GLRB: variants seen among roughly 807,000 people sequenced by gnomAD.
GLRB encodes glycine receptor subunit beta.
GLRB carries 33 observed loss-of-function variants against 54.2 expected under a neutral mutation model. That is an observed-to-expected ratio of 0.61 (90% CI 0.46 to 0.81). GLRB has a LOEUF of 0.81. Ranked by LOEUF, GLRB falls within the 40% of genes least tolerant of loss-of-function variation. The pLI is 0.00. For synonymous variants in GLRB, 209 were observed against 208.2 expected (o/e 1.00, Z -0.03); for missense variants, 572 against 584.6 (o/e 0.98, Z 0.22).
At chr4:157,157,460 A>G (rs773454561) in intron 9 of GLRB, among the ~76,000 whole-genome samples, 26 of 152,122 alleles carry the variant, frequency 1.7e-4, no homozygotes, top group Non-Finnish European at 1.3e-4. Context: ...CATTTACATT[A>G]GGTAGATCTC....
Position 157,120,630 on chromosome 4 carries a change from G to T in GLRB, c.197G>T (p.Ser66Ile). Reference sequence around the variant, plus strand: ...AATATCTTGAACAGGTTATTGGTCAGTTATGATCCCAGGATAAGACCAAAC... The same window carrying T: ...AATATCTTGAACAGGTTATTGGTCATTTATGATCCCAGGATAAGACCAAAC... Reference protein sequence around the residue: ...TSNILNRLLVSYDPRIRPNFK... With the variant: ...TSNILNRLLVIYDPRIRPNFK... The change falls in exon 3 of 10, where the codon AGT becomes ATT. Residue 66 changes from serine (S) to isoleucine (I), a missense_variant. Transcript: ENST00000264428. 1 of 1,593,170 alleles carries T rather than the reference G, an allele frequency of 6.3e-7. No homozygotes were observed. Among genetic ancestry groups the T allele is most frequent in the Non-Finnish European group, 8.6e-7 (1 of 1,163,502 alleles).
At chr4:157,153,907 C>T (rs867852933) in intron 9 of GLRB, among the ~76,000 whole-genome samples, 1 of 152,168 alleles carries the variant, frequency 6.6e-6, no homozygotes, top group Non-Finnish European at 1.5e-5. Context: ...ACCACTAGTC[C>T]CCTCACCTAG....
intron 1 of GLRB, among the ~76,000 whole-genome samples, chr4:157,076,723 T>C (rs1734045611): frequency 6.6e-6 from 1 of 151,740 alleles, no homozygotes; most frequent in Non-Finnish European, 1.5e-5. Flanking sequence ...CGGCCCTCCT[T>C]TTTGCGGGGG....
At chr4:157,165,038 G>C (rs1365993610) in intron 9 of GLRB, among the ~76,000 whole-genome samples, 1 of 152,064 alleles carries the variant, frequency 6.6e-6, no homozygotes, top group African/African-American at 2.4e-5. Context: ...GATGCATAGA[G>C]TTAAGAATTG....
chr4:157,109,104 A>G (rs1735327394), intron 2 of GLRB, among the ~76,000 whole-genome samples: 1 of 152,078 alleles, frequency 6.6e-6, no homozygotes, highest in Non-Finnish European at 1.5e-5. Flanking sequence ...ATGCACTGGG[A>G]AACCAAAACA....
At chr4:157,127,431 C>CT (rs1335469453) in intron 4 of GLRB, among the ~76,000 whole-genome samples, 1 of 151,708 alleles carries the variant, frequency 6.6e-6, no homozygotes, top group East Asian at 1.9e-4. Flanking sequence ...TAATGGCCCC[C>CT]TAAAGATGTT....
intron 2 of GLRB, among the ~76,000 whole-genome samples, chr4:157,107,171 C>G (rs561429635): frequency 6.6e-5 from 10 of 151,964 alleles, no homozygotes; most frequent in Non-Finnish European, 1.3e-4. Flanking sequence ...TTTTCATCTC[C>G]CTCCCTCTCC....
intron 4 of GLRB, among the ~76,000 whole-genome samples, chr4:157,134,299 A>G (rs941138791): frequency 3.9e-5 from 6 of 152,000 alleles, no homozygotes; most frequent in Non-Finnish European, 1.5e-5. Context: ...GCTCATGTCT[A>G]TAATCCTAGT....
chr4:157,117,916 G>T (rs1735664064), intron 2 of GLRB, among the ~76,000 whole-genome samples: 1 of 151,658 alleles, frequency 6.6e-6, no homozygotes, highest in Non-Finnish European at 1.5e-5. Flanking sequence ...ATATTTATTA[G>T]TTCATGTTTA....
At chr4:157,151,184 A>G (rs1737009453) in intron 8 of GLRB, among the ~76,000 whole-genome samples, 2 of 152,152 alleles carry the variant, frequency 1.3e-5, no homozygotes, top group African/African-American at 2.4e-5. Flanking sequence ...CAGAGAGGAT[A>G]GTGTCAAAAT....
intron 2 of GLRB, among the ~76,000 whole-genome samples, chr4:157,089,263 G>C (rs1257881964): frequency 1.3e-5 from 2 of 151,850 alleles, no homozygotes; most frequent in African/African-American, 2.4e-5. Flanking sequence ...CATGGGGGAG[G>C]GGGGACACAC....
At chr4:157,144,987 T>C (rs1736755170) in intron 8 of GLRB, among the ~76,000 whole-genome samples, 1 of 152,192 alleles carries the variant, frequency 6.6e-6, no homozygotes, top group Admixed American at 6.5e-5. Flanking sequence ...TATGTATTAT[T>C]ACATGTATTA....
In GLRB at chr4:157,121,527, A is replaced by C. The variant is rs934061528; in HGVS notation, c.230-803A>C. Among the ~76,000 whole-genome samples, 8 of 151,298 alleles carry C rather than the reference A, an allele frequency of 5.3e-5. 1 individual carries two copies. Among genetic ancestry groups the C allele is most frequent in the African/African-American group, 1.9e-4 (8 of 41,224 alleles). On this transcript the variant is annotated intron_variant, in intron 3 of 9. Transcript: ENST00000264428. ...GCTTCTAGTCAACTGAAGTTATACA[A>C]CTATGTTGTAAAAATGGGTTTTTGT...
chr4:157,139,792 A>G (rs952755307), intron 7 of GLRB, among the ~76,000 whole-genome samples: 1 of 152,010 alleles, frequency 6.6e-6, no homozygotes, highest in Non-Finnish European at 1.5e-5. Flanking sequence ...TCAGAAATAG[A>G]TATAATTAAA....
intron 4 of GLRB, among the ~76,000 whole-genome samples, chr4:157,135,199 C>T (rs1378234184): frequency 6.6e-6 from 1 of 152,082 alleles, no homozygotes; most frequent in African/African-American, 2.4e-5. Context: ...TACACAGCTT[C>T]ATCTGGTTAT....
At chr4:157,114,341 C>CT (rs148694325) in intron 2 of GLRB, among the ~76,000 whole-genome samples, 2,447 of 139,246 alleles carry the variant, frequency 0.018, 42 homozygotes, top group East Asian at 0.11. Flanking sequence ...CTCTCTCTTT[C>CT]TTTTTTTTTT....
At chr4:157,155,138 T>G (rs1324558540) in intron 9 of GLRB, among the ~76,000 whole-genome samples, 2 of 152,206 alleles carry the variant, frequency 1.3e-5, no homozygotes, top group Non-Finnish European at 2.9e-5. Flanking sequence ...TTTCCTTGTT[T>G]TTTGTTTTTG....
intron 2 of GLRB, among the ~76,000 whole-genome samples, chr4:157,104,406 C>A (rs1432188807): frequency 6.6e-6 from 1 of 152,024 alleles, no homozygotes; most frequent in Non-Finnish European, 1.5e-5. Context: ...GGTTATATAT[C>A]CCACTTGGTC....
rs964531745 is a variant in GLRB, at chr4:157,170,700, A to G, written c.1466A>G (p.Asn489Ser). Residue 489 changes from asparagine to serine, a missense_variant, in exon 10 of 10, where the codon AAT becomes AGT. Asn to Ser is a conservative substitution (Grantham distance 46). Transcript: ENST00000264428. ...TTTCCTTTCTGCTTCTTGTTCTTCA[A>G]TGTTATATATTGGTCTATATATTTA... Reference protein sequence around the residue: ...ALFPFCFLFFNVIYWSIYL With the variant: ...ALFPFCFLFFSVIYWSIYL The G allele has an allele frequency of 3.8e-6, 6 of 1,578,520 alleles. No homozygotes were observed. Among genetic ancestry groups the G allele is most frequent in the Non-Finnish European group, 5.2e-6 (6 of 1,155,470 alleles).
Sources: gnomAD v4.1 joint callset for allele counts (sites outside exome capture counted in the v4.1 genomes callset) on GRCh38, gnomAD v4.1.1 for gene constraint, MANE v1.5 for transcripts, NCBI Gene and HGNC (gene_info 2026-07-23, HGNC 2026-07-21) for gene names.